The following ZNF69 variants were observed in gnomAD, a reference collection of about 807,000 sequenced individuals.
ZNF69 encodes ZNF3.
A neutral mutation model predicts 50.9 loss-of-function variants in ZNF69; 47 were observed. The ratio of observed to expected loss-of-function variants is 0.92; its 90% CI spans 0.73 to 1.18. ZNF69 has a LOEUF of 1.18. Ranked by LOEUF, ZNF69 falls within the 50% of genes most tolerant of loss-of-function variation. The probability of loss-of-function intolerance (pLI) is 0.00; values close to 1 mark genes in which losing one functional copy is unlikely to be tolerated. For synonymous variants in ZNF69, 216 were observed against 223.1 expected (o/e 0.97, Z 0.29); for missense variants, 717 against 675.1 (o/e 1.06, Z -0.69).
chr19:11,965,852 C>T, the ZNF69 span, among the ~76,000 whole-genome samples: 1 of 152,068 alleles, frequency 6.6e-6, no homozygotes, highest in African/African-American at 2.4e-5. Context: ...ACAGGAATTG[C>T]AGGGAAAATC....
chr19:11,930,408 A>G, the ZNF69 span, among the ~76,000 whole-genome samples: 1 of 148,606 alleles, frequency 6.7e-6, no homozygotes, highest in Non-Finnish European at 1.5e-5. Context: ...AGTTGACCAC[A>G]TGGAGGAACT....
chr19:11,938,817 GTTGAAC>G, the ZNF69 span, among the ~76,000 whole-genome samples: 2 of 152,078 alleles, frequency 1.3e-5, no homozygotes. Flanking sequence ...TTCCACAATG[GTTGAAC>G]TAGTTTACAG....
the ZNF69 span, among the ~76,000 whole-genome samples, chr19:11,941,863 T>C: frequency 1.3e-5 from 2 of 152,216 alleles, no homozygotes. Context: ...CCTCTCAGTA[T>C]GTATATACTT....
At chr19:11,897,822 A>C (rs1245758994) in intron 1 of ZNF69, among the ~76,000 whole-genome samples, 2 of 149,924 alleles carry the variant, frequency 1.3e-5, no homozygotes, top group African/African-American at 4.9e-5. Flanking sequence ...CAGTGAGCCA[A>C]GATGGCGCCA....
chr19:11,914,586 AG>A (rs1346397399), downstream of ZNF69, among the ~76,000 whole-genome samples: 1 of 152,216 alleles, frequency 6.6e-6, no homozygotes, highest in Non-Finnish European at 1.5e-5. Context: ...TGTGCTGCTG[AG>A]GCTAACTTGT....
At chr19:11,959,511 G>C in the ZNF69 span, among the ~76,000 whole-genome samples, 1 of 152,104 alleles carries the variant, frequency 6.6e-6, no homozygotes, top group Non-Finnish European at 1.5e-5. Flanking sequence ...TGAATTCTCA[G>C]TAACATAATG....
chr19:11,976,962 C>T, the ZNF69 span: 1 of 1,584,852 alleles, frequency 6.3e-7, no homozygotes, highest in Non-Finnish European at 8.5e-7. Context: ...TCCACGGCAA[C>T]TTCTTGGGAA....
the ZNF69 span, among the ~76,000 whole-genome samples, chr19:11,953,536 A>G: frequency 6.6e-6 from 1 of 152,254 alleles, no homozygotes; most frequent in Non-Finnish European, 1.5e-5. Flanking sequence ...GACTTGCAGC[A>G]TTTAGAAATA....
chr19:11,958,990 C>A, the ZNF69 span, among the ~76,000 whole-genome samples: 1 of 152,220 alleles, frequency 6.6e-6, no homozygotes, highest in Non-Finnish European at 1.5e-5. Flanking sequence ...TCAAGCGATT[C>A]TCTTTGCTCA....
At chr19:11,930,285 T>A in the ZNF69 span, among the ~76,000 whole-genome samples, 9 of 148,516 alleles carry the variant, frequency 6.1e-5, 2 homozygotes, top group African/African-American at 2.4e-4. Flanking sequence ...TTGTCTCAAC[T>A]GTGAAGAGAG....
the ZNF69 span, among the ~76,000 whole-genome samples, chr19:11,923,847 C>T: frequency 6.6e-6 from 1 of 152,164 alleles, no homozygotes; most frequent in Non-Finnish European, 1.5e-5. Flanking sequence ...GCCAGTGATT[C>T]CACGTTGAGG....
the ZNF69 span, chr19:11,948,592 G>T: frequency 6.2e-7 from 1 of 1,607,990 alleles, no homozygotes; most frequent in Non-Finnish European, 8.5e-7. Flanking sequence ...GGATCACACT[G>T]GAGAGAAACC....
At chr19:11,938,470 T>C in the ZNF69 span, among the ~76,000 whole-genome samples, 4 of 151,728 alleles carry the variant, frequency 2.6e-5, no homozygotes, top group Non-Finnish European at 5.9e-5. Context: ...CACCTATGAG[T>C]GAGAATATGC....
At chr19:11,915,718 G>A (rs1471844576), downstream of ZNF69, among the ~76,000 whole-genome samples, 1 of 151,980 alleles carries the variant, frequency 6.6e-6, no homozygotes, top group African/African-American at 2.4e-5. Context: ...AACCAGGCCA[G>A]CATGGCAAAA....
the ZNF69 span, among the ~76,000 whole-genome samples, chr19:11,934,952 G>A: frequency 2.0e-5 from 3 of 147,190 alleles, no homozygotes; most frequent in Non-Finnish European, 3.0e-5. Flanking sequence ...AGGCCAAGGC[G>A]GGTGGATCAG....
chr19:11,903,136 T>TA (rs1047625208), intron 1 of ZNF69, among the ~76,000 whole-genome samples: 53 of 151,754 alleles, frequency 3.5e-4, no homozygotes, highest in South Asian at 1.9e-3. Flanking sequence ...GACGCTGTCT[T>TA]AAAAAAAACA....
In ZNF69 at chr19:11,904,860, G is replaced by A. The variant is rs1972328779; in HGVS notation, c.463G>A (p.Glu155Lys). ...AGGTGACATTGGACACAAGGCCTAT[G>A]AGTATCAGGAATATGGACCGAAGCC... is the stretch of plus-strand genomic sequence containing the variant. The part of the protein sequence containing the change: ...IRGDIGHKAY[E>K]YQEYGPKPCK... Residue 155 changes from glutamate (E) to lysine (K), a missense_variant, in exon 4 of 4, where the codon GAG becomes AAG. Coordinates refer to ENST00000429654, the MANE Select transcript of ZNF69 (RefSeq NM_001364730.1). The A allele has an allele frequency of 6.2e-7, 1 of 1,614,132 alleles. No individual in the cohort carries two copies.
At chr19:11,960,687 A>C in the ZNF69 span, among the ~76,000 whole-genome samples, 2 of 151,820 alleles carry the variant, frequency 1.3e-5, no homozygotes, top group Non-Finnish European at 2.9e-5. Flanking sequence ...ATACTAACCA[A>C]GGTTATTCTG....
downstream of ZNF69, among the ~76,000 whole-genome samples, chr19:11,910,243 T>A (rs1972437985): frequency 6.6e-6 from 1 of 152,186 alleles, no homozygotes; most frequent in African/African-American, 2.4e-5. Flanking sequence ...ATGGCCATAC[T>A]GCCCAAGGTA....
Sources: allele counts gnomAD v4.1 joint callset (sites outside exome capture counted in the v4.1 genomes callset), GRCh38; gene constraint gnomAD v4.1.1; transcripts MANE v1.5; gene names NCBI Gene and HGNC (gene_info 2026-07-23, HGNC 2026-07-21).